NUP98: variants seen among roughly 807,000 people sequenced by gnomAD.
The protein encoded by NUP98 is nucleoporin 98 and 96 precursor, also known as nuclear pore complex protein Nup98-Nup96.
Under a neutral mutation model 191.9 loss-of-function variants are expected in NUP98, and 26 were observed. That is an observed-to-expected ratio of 0.14 (90% confidence interval 0.10 to 0.19). The LOEUF (loss-of-function observed/expected upper bound fraction) is 0.19, where lower values mean the gene tolerates loss of function less well. Among genes scored for constraint, NUP98 ranks in the 10% least tolerant of loss-of-function variants. The pLI is 1.00. For synonymous variants in NUP98, 808 were observed against 778.4 expected, an observed-to-expected ratio of 1.04 and a Z score of -0.63; for missense variants, 1,941 against 2,178.8, an observed-to-expected ratio of 0.89 and a Z score of 2.17.
chr11:3,742,499 G>A (rs528109977), intron 12 of NUP98, among the ~76,000 whole-genome samples: 8 of 151,992 alleles, frequency 5.3e-5, no homozygotes, highest in South Asian at 4.1e-4. Flanking sequence ...TCAGGAGTTC[G>A]AGACCAGCCT....
intron 12 of NUP98, among the ~76,000 whole-genome samples, chr11:3,740,920 G>C (rs2080261350): frequency 6.6e-6 from 1 of 151,722 alleles, no homozygotes; most frequent in Non-Finnish European, 1.5e-5. Context: ...CCAGGTTCAA[G>C]CGATTCTCCC....
At chr11:3,698,129 T>C (rs2078568734) in intron 25 of NUP98, among the ~76,000 whole-genome samples, 1 of 152,206 alleles carries the variant, frequency 6.6e-6, no homozygotes, top group African/African-American at 2.4e-5. Context: ...TATTTGATAA[T>C]TATCTGTATT....
chr11:3,700,511 A>C (rs1183087459), intron 24 of NUP98, 99 bp downstream of exon 24: 2 of 733,322 alleles, frequency 2.7e-6, no homozygotes, highest in Non-Finnish European at 4.5e-6. Flanking sequence ...ACAGGCATTT[A>C]CCTACTAGAC....
intron 31 of NUP98, among the ~76,000 whole-genome samples, chr11:3,678,136 T>TAAAAAAAAAAAAAAAAAA (rs76077592): frequency 9.7e-6 from 1 of 103,402 alleles, no homozygotes; most frequent in African/African-American, 3.3e-5. Flanking sequence ...AAACTCTGCC[T>TAAAAAAAAAAAAAAAAAA]AAAAAAAAAA....
intron 15 of NUP98, among the ~76,000 whole-genome samples, chr11:3,724,789 A>AAAAAAAAAAAAAAAAAAAAAAAAAAG (rs1259105482): frequency 1.3e-5 from 2 of 150,256 alleles, no homozygotes; most frequent in African/African-American, 4.9e-5. Flanking sequence ...TCAAAAAAAA[A>AAAAAAAAAAAAAAAAAAAAAAAAAAG]AAAGAAAGAA....
intron 28 of NUP98, among the ~76,000 whole-genome samples, chr11:3,687,485 T>C (rs2078166119): frequency 1.3e-5 from 2 of 152,230 alleles, no homozygotes; most frequent in South Asian, 4.1e-4. Context: ...AAAAATTTTC[T>C]GCTTTGTTTT....
chr11:3,712,477 A>G, intron 20 of NUP98, 87 bp downstream of exon 20: 1 of 1,576,336 alleles, frequency 6.3e-7, no homozygotes, highest in Admixed American at 1.9e-5. Context: ...TCCAAGGGTC[A>G]TAAAACAGCT....
chr11:3,743,758 T>A (rs573568888), intron 12 of NUP98, among the ~76,000 whole-genome samples: 1 of 148,888 alleles, frequency 6.7e-6, no homozygotes, highest in South Asian at 2.1e-4. Context: ...GAATGAAGTA[T>A]GAAAAACACC....
chr11:3,720,572 TCA>T (rs781314463), intron 17 of NUP98, 138 bp downstream of exon 17: 25 of 463,502 alleles, frequency 5.4e-5, no homozygotes, highest in Non-Finnish European at 9.4e-5. Flanking sequence ...TTGTTACTTA[TCA>T]ATCAAAGTAT....
intron 23 of NUP98, 112 bp downstream of exon 23, chr11:3,702,326 CTCTCTCTCTCTCTCTCTCTCTCTCT>C (rs1486309882): frequency 1.1e-4 from 24 of 210,200 alleles, no homozygotes; most frequent in Admixed American, 4.0e-4. Flanking sequence ...CTCTCTCTCT[CTCTCTCTCTCTCTCTCTCTCTCTCT>C]CTCTCTCTCT....
At chr11:3,688,384 C>A (rs904772562) in intron 28 of NUP98, among the ~76,000 whole-genome samples, 9 of 151,502 alleles carry the variant, frequency 5.9e-5, no homozygotes, top group Admixed American at 5.9e-4. Flanking sequence ...CCAGCCTGGG[C>A]GACAGAGCGA....
chr11:3,723,521 A>G, intron 15 of NUP98, 66 bp from the exon 16 acceptor site: 1 of 1,373,908 alleles, frequency 7.3e-7, no homozygotes, highest in Non-Finnish European at 1.0e-6. Context: ...ATAGCTAACT[A>G]ATACCGAGCC....
intron 26 of NUP98, 97 bp from the exon 27 acceptor site, chr11:3,693,472 A>C: frequency 1.7e-6 from 2 of 1,164,326 alleles, no homozygotes; most frequent in Non-Finnish European, 2.5e-6. Flanking sequence ...TTCAAGGAAC[A>C]TTTTAAATGA....
At chr11:3,708,499 A>C (rs1429565564) in intron 20 of NUP98, among the ~76,000 whole-genome samples, 1 of 152,164 alleles carries the variant, frequency 6.6e-6, no homozygotes, top group African/African-American at 2.4e-5. Context: ...TATTCACACA[A>C]ACAGACTTCA....
chr11:3,729,357 A>C (rs1186666431), intron 14 of NUP98, among the ~76,000 whole-genome samples: 1 of 151,904 alleles, frequency 6.6e-6, no homozygotes, highest in East Asian at 1.9e-4. Context: ...CCTGGAAGAC[A>C]ATTATGAAAG....
At position 3,723,474 on chromosome 11, in the gene NUP98, A is replaced by G; in HGVS notation, c.1848-19T>C. The G allele has an allele frequency of 6.2e-7, 1 of 1,605,194 alleles. No individual in the cohort carries two copies. The highest frequency in any genetic ancestry group is 8.5e-7 in the Non-Finnish European group (1 of 1,172,874). ...ACTAAATCTGCAAAGGAAAAGAAAT[A>G]ATACCTTAGCCTCTTGTAGTAGTAA... On this transcript the variant is annotated intron_variant, in intron 15 of 32. Transcript: ENST00000324932.
At chr11:3,763,452 A>T (rs1336342961) in intron 8 of NUP98, among the ~76,000 whole-genome samples, 1 of 152,222 alleles carries the variant, frequency 6.6e-6, no homozygotes, top group Non-Finnish European at 1.5e-5. Flanking sequence ...TTAGGTGAAA[A>T]GAACTAATCA....
chr11:3,711,187 G>A (rs1487162963), intron 20 of NUP98, among the ~76,000 whole-genome samples: 1 of 151,858 alleles, frequency 6.6e-6, no homozygotes, highest in African/African-American at 2.4e-5. Context: ...AGAGGCCACA[G>A]AGAGCCGAGA....
intron 8 of NUP98, among the ~76,000 whole-genome samples, chr11:3,765,988 G>A (rs1380322338): frequency 1.3e-5 from 2 of 152,012 alleles, no homozygotes; most frequent in African/African-American, 2.4e-5. Flanking sequence ...CAAATGTGAG[G>A]GTTTATTTCT....
Sources: gnomAD v4.1 joint callset for allele counts (sites outside exome capture counted in the v4.1 genomes callset) on GRCh38, gnomAD v4.1.1 for gene constraint, MANE v1.5 for transcripts, NCBI Gene and HGNC (gene_info 2026-07-23, HGNC 2026-07-21) for gene names.